CENPU: variants seen among roughly 807,000 people sequenced by gnomAD.
CENPU encodes KSHV latent nuclear antigen interacting protein 1.
In CENPU, 46 loss-of-function variants were observed where a neutral mutation model predicts 56.7. The observed-to-expected ratio is 0.81, with a 90% CI of 0.64 to 1.04. The LOEUF (loss-of-function observed/expected upper bound fraction) is 1.04, where lower values mean the gene tolerates loss of function less well. Ranked by LOEUF, CENPU falls within the 50% of genes least tolerant of loss-of-function variation. CENPU has a pLI of 0.00. For missense variants in CENPU, 510 were observed against 490.1 expected (o/e 1.04, Z -0.38); for synonymous variants, 166 against 163.0 (o/e 1.02, Z -0.14).
chr4:184,695,368 T>A lies in CENPU; in HGVS notation c.1177A>T (p.Lys393Ter). The A allele has an allele frequency of 6.2e-7, 1 of 1,613,324 alleles. No homozygotes were observed. The highest frequency in any genetic ancestry group is 8.5e-7 in the Non-Finnish European group (1 of 1,179,338). ...DSSSLPALLFKARTLLGAESH... is the reference protein window; with the variant it reads ...DSSSLPALLF The stretch of plus-strand genomic sequence containing the variant: ...TCGGCTCCCAGAAGTGTTCTTGCTT[T>A]AAATAACAGAGCTGGAAGGCTGGAT... Residue 393 changes from lysine to a stop codon, truncating the protein, a stop_gained, in exon 13 of 13, where the codon AAA becomes TAA. Transcript: ENST00000281453. LOFTEE classifies it high-confidence loss of function.
intron 4 of CENPU, among the ~76,000 whole-genome samples, chr4:184,722,689 T>A (rs1579789456): frequency 1.4e-5 from 2 of 139,480 alleles, no homozygotes; most frequent in Admixed American, 7.0e-5. Context: ...GATGAACCAG[T>A]AAAAACAAAA....
intron 3 of CENPU, among the ~76,000 whole-genome samples, chr4:184,726,974 T>G (rs973505176): frequency 0.021 from 1,970 of 92,568 alleles, no homozygotes; most frequent in African/African-American, 0.041. Context: ...TCCTGGGGGG[T>G]GGGGGGGGGG....
At chr4:184,724,050 A>G (rs56204497) in intron 4 of CENPU, among the ~76,000 whole-genome samples, 26,954 of 151,498 alleles carry the variant, frequency 0.18, 2,674 homozygotes, top group African/African-American at 0.26. Flanking sequence ...AGATCACGAG[A>G]TCAGGAGATC....
chr4:184,706,458 G>C (rs1478151851), intron 8 of CENPU, among the ~76,000 whole-genome samples: 1 of 152,236 alleles, frequency 6.6e-6, no homozygotes, highest in Non-Finnish European at 1.5e-5. Context: ...ACACAAGACA[G>C]CTCTTCCAAA....
chr4:184,695,231 G>C lies in CENPU; in HGVS notation c.*57C>G. On this transcript the variant is annotated 3_prime_UTR_variant, in exon 13 of 13. Coordinates refer to ENST00000281453, the MANE Select transcript of CENPU (RefSeq NM_024629.4). ...ATTGATTTATAAAGGTACAGTTTCA[G>C]AAGGTAACAGCATGAGACTAGTCTT... The C allele has an allele frequency of 9.0e-7, 1 of 1,113,858 alleles. No homozygotes were observed. Among genetic ancestry groups the C allele is most frequent in the African/African-American group, 1.5e-5 (1 of 65,054 alleles). 69.0% of individuals were successfully genotyped at this position (1,113,858 alleles called of 1,614,324 possible).
chr4:184,725,589 G>T (rs114118148), intron 3 of CENPU, among the ~76,000 whole-genome samples: 1 of 152,268 alleles, frequency 6.6e-6, no homozygotes, highest in South Asian at 2.1e-4. Flanking sequence ...CCTGTCAGGC[G>T]TCATACACTC....
intron 11 of CENPU, 72 bp from the exon 12 acceptor site, chr4:184,697,875 C>A: frequency 2.4e-6 from 3 of 1,240,942 alleles, no homozygotes; most frequent in Non-Finnish European, 3.3e-6. Context: ...TGTAAGTACG[C>A]TGAGCGAGTG....
At chr4:184,722,005 C>T (rs1003040244) in intron 4 of CENPU, among the ~76,000 whole-genome samples, 1 of 152,188 alleles carries the variant, frequency 6.6e-6, no homozygotes, top group Non-Finnish European at 1.5e-5. Context: ...GGTCACAAAA[C>T]AAGTCTTAAA....
chr4:184,720,228 T>C (rs1761229354), intron 4 of CENPU, among the ~76,000 whole-genome samples: 2 of 151,950 alleles, frequency 1.3e-5, no homozygotes, highest in Non-Finnish European at 2.9e-5. Flanking sequence ...AGTTGAAAAA[T>C]GTAACGGACA....
intron 8 of CENPU, among the ~76,000 whole-genome samples, chr4:184,706,899 T>TTAC (rs747740608): frequency 2.6e-5 from 4 of 151,820 alleles, no homozygotes; most frequent in Non-Finnish European, 5.9e-5. Context: ...CCCTGTGTCC[T>TTAC]TACTACCCAC....
intron 8 of CENPU, among the ~76,000 whole-genome samples, chr4:184,708,165 A>ACCTGGGAGGT (rs1760789250): frequency 6.9e-6 from 1 of 144,828 alleles, no homozygotes. Context: ...TGGAAGTTGC[A>ACCTGGGAGGT]GGGACTGAGA....
chr4:184,731,584 G>T (rs1328876608), intron 1 of CENPU, among the ~76,000 whole-genome samples: 1 of 152,164 alleles, frequency 6.6e-6, no homozygotes, highest in African/African-American at 2.4e-5. Flanking sequence ...ACAGTGGCAG[G>T]ATTATATATC....
At chr4:184,721,096 A>G (rs772050113) in intron 4 of CENPU, among the ~76,000 whole-genome samples, 2 of 152,230 alleles carry the variant, frequency 1.3e-5, no homozygotes, top group Non-Finnish European at 2.9e-5. Context: ...ATAAAAACAA[A>G]AAGTTAAAAA....
chr4:184,729,104 A>C, intron 2 of CENPU, 69 bp from the exon 3 acceptor site: 2 of 1,194,118 alleles, frequency 1.7e-6, no homozygotes, highest in Non-Finnish European at 2.5e-6. Flanking sequence ...TTATACAGCA[A>C]GAATATTCTT....
intron 4 of CENPU, among the ~76,000 whole-genome samples, chr4:184,717,880 TGAA>T (rs1173207001): frequency 1.3e-5 from 2 of 152,148 alleles, no homozygotes; most frequent in Non-Finnish European, 2.9e-5. Context: ...AAAACAAGTG[TGAA>T]GAAGGACATT....
At chr4:184,717,277 T>A in intron 4 of CENPU, 81 bp from the exon 5 acceptor site, 1 of 1,010,976 alleles carries the variant, frequency 9.9e-7, no homozygotes, top group South Asian at 1.4e-5. Context: ...TCATTCAACA[T>A]GAAAACAGAC....
chr4:184,719,770 G>A (rs929719829), intron 4 of CENPU, among the ~76,000 whole-genome samples: 1 of 152,142 alleles, frequency 6.6e-6, no homozygotes, highest in African/African-American at 2.4e-5. Context: ...GGGAAGAGTG[G>A]AGAGGACTTT....
rs1327205895 is a variant in CENPU, at chr4:184,730,606, C to G, written c.96+314G>C. Among the ~76,000 whole-genome samples, 4 of 147,136 alleles carry G rather than the reference C, an allele frequency of 2.7e-5. No homozygotes were observed. In the East Asian group the frequency reaches 7.9e-4, roughly 29 times the overall value. On this transcript the variant is annotated intron_variant, in intron 2 of 12. Coordinates refer to ENST00000281453, the MANE Select transcript of CENPU (RefSeq NM_024629.4). ...AGTGGAGTATCATGAAATCATAAAA[C>G]AATTCTTGAAAAGTACAATGAGGAG...
intron 11 of CENPU, 37 bp downstream of exon 11, chr4:184,700,783 T>C: frequency 5.8e-6 from 9 of 1,562,702 alleles, no homozygotes; most frequent in African/African-American, 1.3e-5. Flanking sequence ...TACATCCTTT[T>C]AGGTAAGTGC....
Sources: gnomAD v4.1 joint callset for allele counts (sites outside exome capture counted in the v4.1 genomes callset) on GRCh38, gnomAD v4.1.1 for gene constraint, MANE v1.5 for transcripts, NCBI Gene and HGNC (gene_info 2026-07-23, HGNC 2026-07-21) for gene names.